ASTN2: variants seen among roughly 807,000 people sequenced by gnomAD.
The protein encoded by ASTN2 is astrotactin 2, also known as astrotactin-2.
Under a neutral mutation model 139.8 loss-of-function variants are expected in ASTN2, and 54 were observed. The observed-to-expected ratio is 0.39, with a 90% CI of 0.31 to 0.48. ASTN2 has a LOEUF of 0.48. Among genes scored for constraint, ASTN2 ranks in the 20% least tolerant of loss-of-function variants. ASTN2 has a pLI of 0.95. For synonymous variants in ASTN2, 756 were observed against 719.5 expected, an observed-to-expected ratio of 1.05 and a Z score of -0.81; for missense variants, 1,565 against 1,725.1, an observed-to-expected ratio of 0.91 and a Z score of 1.64.
chr9:117,213,502 A>G (rs1832209353), intron 3 of ASTN2, among the ~76,000 whole-genome samples: 1 of 152,180 alleles, frequency 6.6e-6, no homozygotes, highest in Non-Finnish European at 1.5e-5. Context: ...TATACTAATT[A>G]CCCTGATCTG....
chr9:116,940,138 G>A (rs556863619), intron 10 of ASTN2, among the ~76,000 whole-genome samples: 1 of 152,230 alleles, frequency 6.6e-6, no homozygotes, highest in South Asian at 2.1e-4. Flanking sequence ...TAGAGACAGA[G>A]GTCTCACTAT....
chr9:117,084,709 G>A (rs1453841112), intron 5 of ASTN2, among the ~76,000 whole-genome samples: 1 of 152,186 alleles, frequency 6.6e-6, no homozygotes, highest in Non-Finnish European at 1.5e-5. Context: ...GAAATGGGGG[G>A]ATACACTCCA....
chr9:116,838,121 G>GT (rs1211683284), intron 11 of ASTN2, among the ~76,000 whole-genome samples: 1 of 137,974 alleles, frequency 7.2e-6, no homozygotes, highest in Admixed American at 7.4e-5. Flanking sequence ...GTTTTGTTTT[G>GT]TTTTTTGAGA....
At position 116,981,588 on chromosome 9, in the gene ASTN2, A is replaced by G. The variant is rs1383658195; in HGVS notation, c.1592-4803T>C. Reference sequence around the variant, plus strand: ...AAATCACTGGCCTAGCCTCTGGGCCAGCCAGGATGGAAACCCAGGGCTCTT... The same window carrying G: ...AAATCACTGGCCTAGCCTCTGGGCCGGCCAGGATGGAAACCCAGGGCTCTT... On this transcript the variant is annotated intron_variant, in intron 7 of 22. Transcript: ENST00000313400. Among the ~76,000 whole-genome samples, 5 of 152,344 alleles carry G rather than the reference A, an allele frequency of 3.3e-5. No individual in the cohort carries two copies. The East Asian group carries it at 9.6e-4, about 29-fold the overall frequency.
intron 2 of ASTN2, among the ~76,000 whole-genome samples, chr9:117,222,098 A>G (rs139337965): frequency 9.5e-4 from 144 of 152,288 alleles, no homozygotes; most frequent in African/African-American, 3.4e-3. Context: ...TACATGCTGA[A>G]TGATCTTCCA....
intron 19 of ASTN2, among the ~76,000 whole-genome samples, chr9:116,545,123 C>T (rs1852036292): frequency 6.6e-6 from 1 of 152,164 alleles, no homozygotes; most frequent in African/African-American, 2.4e-5. Flanking sequence ...AGAGTCAGTC[C>T]AAGTGCCCAG....
intron 10 of ASTN2, among the ~76,000 whole-genome samples, chr9:116,935,907 T>C (rs1232558041): frequency 2.0e-5 from 3 of 152,002 alleles, no homozygotes; most frequent in Non-Finnish European, 4.4e-5. Flanking sequence ...AAGTAAGTAC[T>C]ATTACTATTC....
At chr9:116,591,764 C>T (rs1406482285) in intron 19 of ASTN2, among the ~76,000 whole-genome samples, 1 of 152,276 alleles carries the variant, frequency 6.6e-6, no homozygotes, top group East Asian at 1.9e-4. Flanking sequence ...AATGGGAGCA[C>T]AAAGTGGGCT....
intron 5 of ASTN2, among the ~76,000 whole-genome samples, chr9:117,071,283 G>C (rs1219804293): frequency 6.6e-6 from 1 of 151,472 alleles, no homozygotes; most frequent in African/African-American, 2.4e-5. Context: ...TGAGGTGTCA[G>C]TGTGCCCCTG....
chr9:116,448,468 T>G (rs1220999530), intron 20 of ASTN2, among the ~76,000 whole-genome samples: 1 of 152,216 alleles, frequency 6.6e-6, no homozygotes, highest in East Asian at 1.9e-4. Flanking sequence ...AGCTCACTGC[T>G]GAGAGATAGG....
chr9:117,064,518 G>A (rs1827872965), intron 5 of ASTN2, among the ~76,000 whole-genome samples: 2 of 152,148 alleles, frequency 1.3e-5, no homozygotes, highest in African/African-American at 4.8e-5. Context: ...AAATGGAACT[G>A]GAGGCCATTA....
chr9:116,788,014 A>C (rs1280199654), intron 13 of ASTN2, among the ~76,000 whole-genome samples: 1 of 152,204 alleles, frequency 6.6e-6, no homozygotes, highest in African/African-American at 2.4e-5. Context: ...ATATTTTTAA[A>C]ATCCTATCTG....
chr9:116,943,110 G>T (rs181093855), intron 10 of ASTN2, among the ~76,000 whole-genome samples: 4 of 152,224 alleles, frequency 2.6e-5, no homozygotes, highest in African/African-American at 9.6e-5. Context: ...TATAGACCGG[G>T]GATAAAAAGA....
intron 7 of ASTN2, among the ~76,000 whole-genome samples, chr9:116,993,330 T>G (rs1836912232): frequency 6.6e-6 from 1 of 152,040 alleles, no homozygotes; most frequent in Non-Finnish European, 1.5e-5. Context: ...TTACCTACAC[T>G]ATGCTTTCCC....
chr9:117,185,435 G>A (rs1053474724), intron 3 of ASTN2, among the ~76,000 whole-genome samples: 2 of 152,166 alleles, frequency 1.3e-5, no homozygotes, highest in African/African-American at 4.8e-5. Context: ...ATTCACAGAT[G>A]CGTGCTTTAG....
At chr9:116,878,000 A>T (rs1232740256) in intron 10 of ASTN2, among the ~76,000 whole-genome samples, 1 of 152,222 alleles carries the variant, frequency 6.6e-6, no homozygotes, top group African/African-American at 2.4e-5. Context: ...AATCAAAACC[A>T]CAATGGGATA....
chr9:117,160,735 A>G (rs1382112994), intron 3 of ASTN2, among the ~76,000 whole-genome samples: 1 of 152,068 alleles, frequency 6.6e-6, no homozygotes, highest in Non-Finnish European at 1.5e-5. Flanking sequence ...AGTGAAATGC[A>G]AGGTGTGCAA....
intron 10 of ASTN2, among the ~76,000 whole-genome samples, chr9:116,907,720 A>G (rs78102744): frequency 8.5e-5 from 13 of 152,272 alleles, no homozygotes; most frequent in Non-Finnish European, 1.6e-4. Context: ...TTGAGCTAGA[A>G]AACAAAATGT....
intron 19 of ASTN2, among the ~76,000 whole-genome samples, chr9:116,598,236 A>C (rs1854687379): frequency 6.6e-6 from 1 of 152,176 alleles, no homozygotes; most frequent in Admixed American, 6.5e-5. Context: ...AGGGAAGTTA[A>C]AAGGAAGTTT....
Sources: gnomAD v4.1 joint callset for allele counts (sites outside exome capture counted in the v4.1 genomes callset) on GRCh38, gnomAD v4.1.1 for gene constraint, MANE v1.5 for transcripts, NCBI Gene and HGNC (gene_info 2026-07-23, HGNC 2026-07-21) for gene names.